The following ZC3H4 variants were observed in gnomAD, a reference collection of about 807,000 sequenced individuals.
The protein encoded by ZC3H4 is zinc finger CCCH-type containing 4.
Under a neutral mutation model 108.3 loss-of-function variants are expected in ZC3H4, and 13 were observed. The ratio of observed to expected loss-of-function variants is 0.12; its 90% CI spans 0.08 to 0.19. ZC3H4 has a LOEUF of 0.19. Ranked by LOEUF, ZC3H4 falls within the 10% of genes least tolerant of loss-of-function variation. The probability of loss-of-function intolerance (pLI) is 1.00; values close to 1 mark genes in which losing one functional copy is unlikely to be tolerated. For missense variants in ZC3H4, 1,734 were observed against 1,838.8 expected, an observed-to-expected ratio of 0.94 and a Z score of 1.04; for synonymous variants, 917 against 749.6, an observed-to-expected ratio of 1.22 and a Z score of -3.65.
chr19:47,076,820 C>G lies in ZC3H4; in HGVS notation c.1441-4107G>C, dbSNP rs184775713. 1.7e-3 allele frequency among the ~76,000 whole-genome samples: 258 copies of G among 152,158 alleles called. 1 individual carries two copies. The highest frequency in any genetic ancestry group is 2.8e-3 in the Non-Finnish European group (193 of 67,994). ...CCAGCCTGATCAACATGGTGAAACC[C>G]TGTCTCTACTAAATATATAAAAATT... is the stretch of plus-strand genomic sequence containing the variant. On this transcript the variant is annotated intron_variant, in intron 11 of 14. Coordinates refer to ENST00000253048, the MANE Select transcript of ZC3H4 (RefSeq NM_015168.2).
intron 13 of ZC3H4, among the ~76,000 whole-genome samples, chr19:47,070,926 G>A (rs764752446): frequency 3.3e-5 from 5 of 152,088 alleles, no homozygotes; most frequent in Non-Finnish European, 7.4e-5. Flanking sequence ...TCCAGTGGCC[G>A]CCCTGCTGCC....
In ZC3H4 at chr19:47,084,332, C is replaced by T. The variant is rs2057577146; in HGVS notation, c.1218+13G>A. On this transcript the variant is annotated intron_variant, in intron 9 of 14. Transcript: ENST00000253048. ...TGGCCTCCTAGAGGTGCCCAGCTTT[C>T]AGCGCTCCTTACCCAGGTGCAGCGC... is the stretch of plus-strand genomic sequence containing the variant. 2 of 1,613,610 alleles carry T rather than the reference C, an allele frequency of 1.2e-6. No individual in the cohort carries two copies. Among genetic ancestry groups the T allele is most frequent in the East Asian group, 2.2e-5 (1 of 44,886 alleles).
intron 5 of ZC3H4, among the ~76,000 whole-genome samples, chr19:47,087,347 T>C (rs189886237): frequency 8.6e-5 from 13 of 151,998 alleles, no homozygotes; most frequent in Non-Finnish European, 2.9e-5. Context: ...TTTGTCTAAT[T>C]TGATTACACG....
At chr19:47,074,664 G>GC (rs1406832688) in intron 11 of ZC3H4, among the ~76,000 whole-genome samples, 9 of 152,160 alleles carry the variant, frequency 5.9e-5, no homozygotes, top group Admixed American at 3.3e-4. Context: ...TGCCTGCTTT[G>GC]CCCCCCAAAT....
At chr19:47,071,757 C>A in intron 13 of ZC3H4, 21 bp downstream of exon 13, 2 of 1,572,048 alleles carry the variant, frequency 1.3e-6, no homozygotes, top group South Asian at 1.2e-5. Context: ...CCCAGGCAGC[C>A]ACACCTGGAG....
intron 4 of ZC3H4, chr19:47,093,688 C>T (rs1173043722): frequency 2.7e-5 from 8 of 293,348 alleles, no homozygotes; most frequent in African/African-American, 1.5e-4. Context: ...AACTTCTGGG[C>T]TCAAGGGATC....
chr19:47,091,198 C>T (rs549884732), intron 4 of ZC3H4, among the ~76,000 whole-genome samples: 2 of 151,962 alleles, frequency 1.3e-5, no homozygotes, highest in African/African-American at 4.8e-5. Flanking sequence ...CTTGAACCCG[C>T]GAGGCAGAGG....
chr19:47,098,093 G>C (rs577452399), intron 2 of ZC3H4, among the ~76,000 whole-genome samples: 51 of 152,286 alleles, frequency 3.3e-4, no homozygotes, highest in African/African-American at 1.2e-3. Context: ...TCCTCCCCCT[G>C]GTCAAAGAAC....
Position 47,094,049 on chromosome 19 carries a change from T to C in ZC3H4, c.413A>G (p.Asp138Gly). 1 of 1,614,118 alleles carries C rather than the reference T, an allele frequency of 6.2e-7. No individual in the cohort carries two copies. The highest frequency in any genetic ancestry group is 8.5e-7 in the Non-Finnish European group (1 of 1,180,016). ...GCTGAAATCCGAGTCATCTGAGAAGTCAGAGAAGTCATCGCTAGAAGAAGC... is the reference window on the plus strand; with the variant it reads ...GCTGAAATCCGAGTCATCTGAGAAGCCAGAGAAGTCATCGCTAGAAGAAGC... ...RHASSSDDFS[D>G]FSDDSDFSPS... is the part of the protein sequence containing the mutation. The change falls in exon 4 of 15, where the codon GAC (aspartate) becomes GGC (glycine). Residue 138 changes from aspartate (D) to glycine (G), a missense_variant. Physicochemically the swap from Asp to Gly is moderately conservative, Grantham distance 94. Around this residue, in one of 9 missense-constraint regions of ZC3H4, gnomAD observed 403 missense variants for 457.0 expected, o/e 0.88. Transcript: ENST00000253048.
chr19:47,086,619 T>A, intron 5 of ZC3H4, 81 bp from the exon 6 acceptor site: 1 of 1,482,774 alleles, frequency 6.7e-7, no homozygotes, highest in East Asian at 2.4e-5. Flanking sequence ...ATTTTGCTCC[T>A]GAGGTCAATC....
intron 4 of ZC3H4, among the ~76,000 whole-genome samples, chr19:47,091,914 G>C (rs758414808): frequency 1.3e-5 from 2 of 151,460 alleles, no homozygotes; most frequent in African/African-American, 2.4e-5. Context: ...ATGAATGAAC[G>C]CATAAAAAAG....
intron 2 of ZC3H4, among the ~76,000 whole-genome samples, chr19:47,107,587 C>T (rs1226329151): frequency 2.0e-5 from 3 of 151,852 alleles, no homozygotes; most frequent in African/African-American, 7.3e-5. Context: ...CGAGAAAGAT[C>T]CTTTATGCAG....
intron 11 of ZC3H4, among the ~76,000 whole-genome samples, chr19:47,074,152 C>G (rs772550099): frequency 1.3e-5 from 2 of 152,186 alleles, no homozygotes; most frequent in Non-Finnish European, 2.9e-5. Flanking sequence ...TTTATTTTTC[C>G]TGTTATTCCC....
In ZC3H4 at chr19:47,067,880, ACAGAGGAG is replaced by A; in HGVS notation, c.2399-19_2399-12del. ...AGTTTCCGGTGTCACCTGGGAAAGA[ACAGAGGAG>A]CAGGGAGGGGTGAGTGGGCGCATCC... On this transcript the variant is annotated splice_polypyrimidine_tract_variant and intron_variant, in intron 14 of 14. Transcript: ENST00000253048. This position sits in a 1 kb window ranked among gnomAD's most constrained non-coding sequence, Gnocchi z 6.4. 1 of 1,576,130 alleles carries A rather than the reference ACAGAGGAG, an allele frequency of 6.3e-7. No homozygotes were observed. Among genetic ancestry groups the A allele is most frequent in the Non-Finnish European group, 8.6e-7 (1 of 1,164,202 alleles).
At chr19:47,089,901 A>G in intron 5 of ZC3H4, 66 bp downstream of exon 5, 1 of 1,551,908 alleles carries the variant, frequency 6.4e-7, no homozygotes, top group South Asian at 1.1e-5. Flanking sequence ...CTGTGAGACC[A>G]GGCCACCGGG....
At position 47,072,220 on chromosome 19, in the gene ZC3H4, GC is replaced by G; in HGVS notation, c.1803-100del. 2 of 1,397,968 alleles carry G rather than the reference GC, an allele frequency of 1.4e-6. No homozygotes were observed. The highest frequency in any genetic ancestry group is 1.4e-5 in the South Asian group (1 of 70,480). The allele number at this position is 1,397,968 out of a possible 1,614,324, so 86.6% of individuals were successfully genotyped here. ...AGGGCTGCAGAGCCGAAGGTCATGG[GC>G]CCCAGACCAGGACTCCCACAGCTGG... On this transcript the variant is annotated intron_variant, in intron 12 of 14. Coordinates refer to ENST00000253048, the MANE Select transcript of ZC3H4 (RefSeq NM_015168.2). The surrounding 1 kb of genome is among the most constrained non-coding windows in gnomAD (Gnocchi z 5.6).
chr19:47,075,867 C>A (rs530190423), intron 11 of ZC3H4, among the ~76,000 whole-genome samples: 1 of 152,330 alleles, frequency 6.6e-6, no homozygotes, highest in South Asian at 2.1e-4. Flanking sequence ...TCAACCCAAA[C>A]TGCCCATCGG....
Position 47,094,425 on chromosome 19 carries a change from T to C in ZC3H4, c.345A>G (p.Lys115=). Residue 115 remains lysine (K), a synonymous_variant, in exon 3 of 15, where the codon AAA becomes AAG. Coordinates refer to ENST00000253048, the MANE Select transcript of ZC3H4 (RefSeq NM_015168.2). ...RKRKKEREKE[K]RRSKKRRKSK... is the part of the protein sequence containing the mutation. ...ATTTCCTCCTCTTCTTCGACCTCCT[T>C]TTCTCTTTCTCCCGCTCTTTCTTCC... 6.2e-7 allele frequency: 1 copy of C among 1,614,160 alleles called. No individual in the cohort carries two copies. Among genetic ancestry groups the C allele is most frequent in the Non-Finnish European group, 8.5e-7 (1 of 1,180,020 alleles).
chr19:47,111,040 G>T, intron 2 of ZC3H4: 1 of 492,074 alleles, frequency 2.0e-6, no homozygotes, highest in Non-Finnish European at 2.6e-6. Flanking sequence ...CCCTGGCTGA[G>T]ACCCCCCGGC....
Sources: allele counts gnomAD v4.1 joint callset (sites outside exome capture counted in the v4.1 genomes callset), GRCh38; gene constraint gnomAD v4.1.1; regional missense constraint gnomAD v4.1.1; non-coding constraint Gnocchi (gnomAD v3.1); transcripts MANE v1.5; gene names NCBI Gene and HGNC (gene_info 2026-07-23, HGNC 2026-07-21).